Variants in RYR3 observed in about 807,000 individuals in gnomAD.
RYR3 encodes the protein brain ryanodine receptor-calcium release channel.
Under a neutral mutation model 584.3 loss-of-function variants are expected in RYR3, and 207 were observed. The observed-to-expected ratio is 0.35, with a 90% CI of 0.32 to 0.40. The LOEUF is 0.40. RYR3 is among the 10% of genes least tolerant of loss of function. RYR3 has a pLI of 1.00. For missense variants in RYR3, 5,616 were observed against 6,089.2 expected (o/e 0.92, Z 2.59); for synonymous variants, 2,416 against 2,248.5 (o/e 1.07, Z -2.11).
intron 1 of RYR3, among the ~76,000 whole-genome samples, chr15:33,379,849 C>G (rs2041055552): frequency 6.6e-6 from 1 of 152,028 alleles, no homozygotes; most frequent in Non-Finnish European, 1.5e-5. Context: ...GAAAGTGCAG[C>G]CTTCAGTCTG....
rs1432964429 is a variant in RYR3 at position 33,810,916 on chromosome 15, A to G, written c.10198-62A>G. The G allele has an allele frequency of 5.0e-6, 7 of 1,390,296 alleles. No individual in the cohort carries two copies. The East Asian group carries it at 1.5e-4, about 29-fold the overall frequency. The allele number at this position is 1,390,296 out of a possible 1,614,324, so 86.1% of individuals were successfully genotyped here. A position where few individuals can be genotyped will look rare whatever the true frequency, so the allele number is the denominator to read the frequency against. ...GTGCGTTGACTCTCCATACATCCCC[A>G]TATGCTACTTGACAGTTCCATGGTG... On this transcript the variant is annotated intron_variant, in intron 71 of 103. Coordinates refer to ENST00000634891, the MANE Select transcript of RYR3 (RefSeq NM_001036.6).
intron 20 of RYR3, among the ~76,000 whole-genome samples, chr15:33,628,224 A>T (rs2061092209): frequency 6.6e-6 from 1 of 152,206 alleles, no homozygotes; most frequent in Admixed American, 6.5e-5. Flanking sequence ...ACATGTGAAG[A>T]ACATTCAACA....
chr15:33,801,053 T>C (rs750451519), intron 68 of RYR3, among the ~76,000 whole-genome samples, 196 bp downstream of exon 68: 5 of 152,212 alleles, frequency 3.3e-5, no homozygotes, highest in Admixed American at 6.5e-5. Flanking sequence ...ACAGCTTGAC[T>C]TTATACACTT....
At chr15:33,485,240 A>G (rs2050308312) in intron 2 of RYR3, among the ~76,000 whole-genome samples, 1 of 152,210 alleles carries the variant, frequency 6.6e-6, no homozygotes, top group African/African-American at 2.4e-5. Context: ...AGCTCTTTCA[A>G]TGGCATGTGG....
At chr15:33,818,737 C>T in intron 76 of RYR3, 53 bp downstream of exon 76, 1 of 1,274,856 alleles carries the variant, frequency 7.8e-7, no homozygotes, top group African/African-American at 1.5e-5. Flanking sequence ...TACTTGTGTC[C>T]ACTCCTGACC....
rs112096291 is a variant in RYR3 at position 33,703,771 on chromosome 15, G to A, written c.6483+2691G>A. On this transcript the variant is annotated intron_variant, in intron 42 of 103. Transcript: ENST00000634891. The stretch of plus-strand genomic sequence containing the variant: ...CATTTTTACAATAATATTTTGAGGC[G>A]ACAAATTTAAGTGAAAGCATTTTTT... 4.6e-5 allele frequency among the ~76,000 whole-genome samples: 7 copies of A among 152,192 alleles called. 1 individual carries two copies. The South Asian group carries it at 1.0e-3, about 23-fold the overall frequency.
At chr15:33,352,522 A>G (rs1373892450) in intron 1 of RYR3, among the ~76,000 whole-genome samples, 1 of 152,092 alleles carries the variant, frequency 6.6e-6, no homozygotes. Context: ...TGTTGACTTA[A>G]CGAGATAGAA....
chr15:33,846,746 A>C (rs903751724), intron 93 of RYR3, among the ~76,000 whole-genome samples: 3 of 152,214 alleles, frequency 2.0e-5, no homozygotes, highest in African/African-American at 7.2e-5. Context: ...TTGAACTCAC[A>C]GCTCTGCCAC....
In RYR3 at chr15:33,636,361, A is replaced by G; in HGVS notation, c.3382-15A>G. ...GAGACTCCATTTCTCTAAGCCCTAG[A>G]GTCTTGTTTTCTAGGGCCAGCGTTG... On this transcript the variant is annotated splice_polypyrimidine_tract_variant and intron_variant, in intron 26 of 103. Coordinates refer to ENST00000634891, the MANE Select transcript of RYR3 (RefSeq NM_001036.6). 6.2e-7 allele frequency: 1 copy of G among 1,613,164 alleles called. No homozygotes were observed. The highest frequency in any genetic ancestry group is 8.5e-7 in the Non-Finnish European group (1 of 1,179,262).
chr15:33,461,913 C>T (rs1413632587), intron 1 of RYR3, among the ~76,000 whole-genome samples: 2 of 152,180 alleles, frequency 1.3e-5, no homozygotes, highest in African/African-American at 4.8e-5. Flanking sequence ...GATGCCATGC[C>T]TGCCTTGTTC....
Position 33,790,674 on chromosome 15 carries a change from AG to A in RYR3, c.9830+2219del, listed in dbSNP as rs939532349. ...AATTGCATATAAGATTCAGAGTTCA[AG>A]GGAGAGGTCTGGTGTAGACATATGA... is the stretch of plus-strand genomic sequence containing the variant. On this transcript the variant is annotated intron_variant, in intron 67 of 103. Transcript: ENST00000634891. Among the ~76,000 whole-genome samples, 48 of 152,200 alleles carry A rather than the reference AG, an allele frequency of 3.2e-4. 1 individual carries two copies. The highest frequency in any genetic ancestry group is 6.5e-5 in the Admixed American group (1 of 15,280).
At chr15:33,479,694 G>C (rs1404865731) in intron 2 of RYR3, among the ~76,000 whole-genome samples, 1 of 151,996 alleles carries the variant, frequency 6.6e-6, no homozygotes, top group Non-Finnish European at 1.5e-5. Flanking sequence ...TCTAATTTCT[G>C]TAATATTCAG....
At chr15:33,451,182 G>T (rs990571257) in intron 1 of RYR3, among the ~76,000 whole-genome samples, 2 of 152,158 alleles carry the variant, frequency 1.3e-5, no homozygotes, top group African/African-American at 4.8e-5. Flanking sequence ...TAAAGTGCCT[G>T]GCACAGAGCT....
chr15:33,540,137 G>T (rs765237499), intron 6 of RYR3, among the ~76,000 whole-genome samples: 4 of 152,092 alleles, frequency 2.6e-5, no homozygotes, highest in Admixed American at 2.0e-4. Flanking sequence ...TGCCCCAAGC[G>T]CTATATGCAC....
At chr15:33,504,714 T>A (rs978001183) in intron 3 of RYR3, among the ~76,000 whole-genome samples, 1 of 152,214 alleles carries the variant, frequency 6.6e-6, no homozygotes, top group African/African-American at 2.4e-5. Context: ...TGTTCACCTT[T>A]CCTGCCCCAT....
intron 69 of RYR3, among the ~76,000 whole-genome samples, chr15:33,806,440 G>A (rs914298574): frequency 6.6e-6 from 1 of 151,830 alleles, no homozygotes; most frequent in Non-Finnish European, 1.5e-5. Flanking sequence ...ATCACTTGAG[G>A]CCGAGAGTTC....
chr15:33,624,571 T>C (rs1343322362), intron 20 of RYR3, among the ~76,000 whole-genome samples: 1 of 152,148 alleles, frequency 6.6e-6, no homozygotes, highest in Non-Finnish European at 1.5e-5. Context: ...CGTATTCTCA[T>C]ATGGCTGGGC....
intron 50 of RYR3, among the ~76,000 whole-genome samples, 183 bp downstream of exon 50, chr15:33,738,773 A>C (rs142801577): frequency 2.0e-5 from 3 of 152,344 alleles, no homozygotes; most frequent in South Asian, 2.1e-4. Context: ...CTTATTTTAC[A>C]GGTGAAGAAA....
chr15:33,577,294 G>T (rs964645189), intron 12 of RYR3, among the ~76,000 whole-genome samples: 1 of 152,074 alleles, frequency 6.6e-6, no homozygotes, highest in Admixed American at 6.5e-5. Context: ...AACCAGAAAA[G>T]AACCCATATA....
Sources: allele counts gnomAD v4.1 joint callset (sites outside exome capture counted in the v4.1 genomes callset), GRCh38; gene constraint gnomAD v4.1.1; transcripts MANE v1.5; gene names NCBI Gene and HGNC (gene_info 2026-07-23, HGNC 2026-07-21).